The following FOXJ3 variants were observed in gnomAD, a reference collection of about 807,000 sequenced individuals.
FOXJ3 encodes the protein forkhead box protein J3.
In FOXJ3, 22 loss-of-function variants were observed where a neutral mutation model predicts 76.1. The observed-to-expected ratio is 0.29, with a 90% confidence interval of 0.21 to 0.41. The LOEUF is 0.41. Ranked by LOEUF, FOXJ3 falls within the 10% of genes least tolerant of loss-of-function variation. FOXJ3 has a pLI of 1.00. For missense variants in FOXJ3, 613 were observed against 762.1 expected (o/e 0.80, Z 2.30); for synonymous variants, 269 against 261.2 (o/e 1.03, Z -0.29).
At chr1:42,263,449 T>C (rs184423958) in intron 4 of FOXJ3, among the ~76,000 whole-genome samples, 165 of 152,320 alleles carry the variant, frequency 1.1e-3, no homozygotes, top group Middle Eastern at 0.01. Flanking sequence ...TCATTGCCTA[T>C]AGGAAATGTG....
At chr1:42,221,272 C>T (rs915934446) in intron 5 of FOXJ3, among the ~76,000 whole-genome samples, 1 of 152,132 alleles carries the variant, frequency 6.6e-6, no homozygotes, top group Non-Finnish European at 1.5e-5. Context: ...AACAGCCTCA[C>T]ACACAGAGAA....
chr1:42,212,049 T>C (rs538975034), intron 5 of FOXJ3, among the ~76,000 whole-genome samples: 1 of 152,098 alleles, frequency 6.6e-6, no homozygotes, highest in East Asian at 1.9e-4. Flanking sequence ...AGGTCAGGAG[T>C]TCGAGACCAG....
At chr1:42,304,745 C>G (rs1486361507) in intron 2 of FOXJ3, among the ~76,000 whole-genome samples, 2 of 152,084 alleles carry the variant, frequency 1.3e-5, no homozygotes, top group Non-Finnish European at 2.9e-5. Context: ...AAAATCAAAC[C>G]AAAATGGATT....
At chr1:42,327,218 C>A (rs935643905) in intron 1 of FOXJ3, among the ~76,000 whole-genome samples, 5 of 152,206 alleles carry the variant, frequency 3.3e-5, no homozygotes, top group Non-Finnish European at 7.3e-5. Context: ...CCCACGTATA[C>A]ACAGTGGGAC....
chr1:42,199,175 T>G lies in FOXJ3; in HGVS notation c.686A>C (p.Asn229Thr), dbSNP rs1384201562. The G allele has an allele frequency of 6.2e-7, 1 of 1,612,790 alleles. No homozygotes were observed. Among genetic ancestry groups the G allele is most frequent in the Non-Finnish European group, 8.5e-7 (1 of 1,178,882 alleles). ...CAAACTCTGGTCTGAGAGACTGTTG[T>G]TAAGGCTACTGCGTGGGCTATCACT... ...DGSDSPRSSL[N>T]NSLSDQSLAS... The change falls in exon 7 of 13, where the codon AAC becomes ACC. Residue 229 changes from asparagine to threonine, a missense_variant. This residue lies in a region of FOXJ3 where 526 missense variants were observed against 601.4 expected (regional missense o/e 0.87). Transcript: ENST00000361346.
intron 4 of FOXJ3, among the ~76,000 whole-genome samples, chr1:42,246,709 G>C (rs1362423628): frequency 6.6e-6 from 1 of 150,864 alleles, no homozygotes; most frequent in Non-Finnish European, 1.5e-5. Context: ...CAAAGGAAAA[G>C]AAATCATTAT....
chr1:42,303,063 T>A (rs1654254349), intron 2 of FOXJ3, among the ~76,000 whole-genome samples: 1 of 152,212 alleles, frequency 6.6e-6, no homozygotes, highest in Non-Finnish European at 1.5e-5. Flanking sequence ...TTTTTACTTA[T>A]TTTTTATAGT....
chr1:42,248,734 T>A (rs951393591), intron 4 of FOXJ3, among the ~76,000 whole-genome samples: 4 of 131,316 alleles, frequency 3.0e-5, no homozygotes, highest in Non-Finnish European at 4.7e-5. Flanking sequence ...TTTTTTCTTT[T>A]TTTTTTTTTT....
chr1:42,271,766 A>C (rs1298001088), intron 3 of FOXJ3, among the ~76,000 whole-genome samples: 5 of 151,946 alleles, frequency 3.3e-5, no homozygotes, highest in Non-Finnish European at 5.9e-5. Flanking sequence ...CTTCCACCTC[A>C]GCCTCTCAAG....
intron 9 of FOXJ3, among the ~76,000 whole-genome samples, chr1:42,191,021 C>G (rs1470179573): frequency 8.6e-6 from 1 of 116,190 alleles, no homozygotes. Context: ...GTCATCTATA[C>G]TTGATTTGGC....
chr1:42,298,681 TTTC>T lies in FOXJ3; in HGVS notation c.44+12366_44+12368del, dbSNP rs1480479151. On this transcript the variant is annotated intron_variant, in intron 2 of 12. Coordinates refer to ENST00000361346, the MANE Select transcript of FOXJ3 (RefSeq NM_014947.5). The stretch of plus-strand genomic sequence containing the variant: ...TTAGGTCTGCTCTGATCTTTGCTCT[TTTC>T]TTCTGCTAGCTTTTTGTGTGGTTTG... Among the ~76,000 whole-genome samples the T allele has an allele frequency of 3.3e-5, 5 of 152,158 alleles. No individual in the cohort carries two copies. The South Asian group carries it at 6.2e-4, about 19-fold the overall frequency.
chr1:42,325,150 C>A (rs1355846645), intron 1 of FOXJ3, among the ~76,000 whole-genome samples: 1 of 152,166 alleles, frequency 6.6e-6, no homozygotes, highest in Non-Finnish European at 1.5e-5. Context: ...CTGTCTCCAT[C>A]CTGGAAGAAT....
intron 4 of FOXJ3, among the ~76,000 whole-genome samples, chr1:42,247,478 T>C (rs1649642669): frequency 1.3e-5 from 2 of 152,090 alleles, no homozygotes; most frequent in Non-Finnish European, 2.9e-5. Flanking sequence ...ATAATCTAAA[T>C]AAACATTTCT....
In FOXJ3 at chr1:42,177,691, C is replaced by A. The variant is rs1446482213; in HGVS notation, c.*2019G>T. The A allele has an allele frequency of 6.6e-6, 1 of 152,408 alleles. No individual in the cohort carries two copies. Among genetic ancestry groups the A allele is most frequent in the Non-Finnish European group, 1.5e-5 (1 of 68,032 alleles). 9.4% of individuals were successfully genotyped at this position (152,408 alleles called of 1,614,324 possible). On this transcript the variant is annotated 3_prime_UTR_variant, in exon 13 of 13. Coordinates refer to ENST00000361346, the MANE Select transcript of FOXJ3 (RefSeq NM_014947.5). ...GAAACATAAAGCTCTTCCTTTCTCC[C>A]CAACCTCACCAGCCCTTACCATGGC... is the stretch of plus-strand genomic sequence containing the variant.
At chr1:42,288,293 G>A (rs1653192501) in intron 2 of FOXJ3, among the ~76,000 whole-genome samples, 1 of 152,168 alleles carries the variant, frequency 6.6e-6, no homozygotes, top group Non-Finnish European at 1.5e-5. Flanking sequence ...GCTCCAGAAT[G>A]TTTCTTATAT....
chr1:42,283,447 C>A (rs1652856042), intron 2 of FOXJ3, among the ~76,000 whole-genome samples: 1 of 152,292 alleles, frequency 6.6e-6, no homozygotes, highest in African/African-American at 2.4e-5. Flanking sequence ...TGGCCTACCT[C>A]TGCAACTTTC....
At chr1:42,323,733 T>A in intron 1 of FOXJ3, 1 of 964,544 alleles carries the variant, frequency 1.0e-6, no homozygotes, top group Non-Finnish European at 1.2e-6. Context: ...GCACAGGTAC[T>A]CAAGAGATAT....
intron 11 of FOXJ3, among the ~76,000 whole-genome samples, chr1:42,186,402 T>C (rs879471959): frequency 3.3e-5 from 5 of 152,068 alleles, no homozygotes; most frequent in East Asian, 1.9e-4. Context: ...GTAGAAAGAA[T>C]TGAATAAACA....
chr1:42,235,392 T>C (rs1176850551), intron 4 of FOXJ3, among the ~76,000 whole-genome samples: 1 of 152,150 alleles, frequency 6.6e-6, no homozygotes, highest in Admixed American at 6.5e-5. Flanking sequence ...TCACGCTCGG[T>C]GCGCTGCACC....
Sources: allele counts gnomAD v4.1 joint callset (sites outside exome capture counted in the v4.1 genomes callset), GRCh38; gene constraint gnomAD v4.1.1; regional missense constraint gnomAD v4.1.1; transcripts MANE v1.5; gene names NCBI Gene and HGNC (gene_info 2026-07-23, HGNC 2026-07-21).